The following MFGE8 variants were observed in gnomAD, a reference collection of about 807,000 sequenced individuals.
MFGE8 encodes the protein milk fat globule EGF and factor V/VIII domain containing, also known as lactadherin.
Under a neutral mutation model 42.6 loss-of-function variants are expected in MFGE8, and 34 were observed. The ratio of observed to expected loss-of-function variants is 0.80; its 90% CI spans 0.61 to 1.06. MFGE8 has a LOEUF of 1.06. MFGE8 is among the 50% of genes least tolerant of loss of function. The probability of loss-of-function intolerance (pLI) is 0.00; values close to 1 mark genes in which losing one functional copy is unlikely to be tolerated. For synonymous variants in MFGE8, 230 were observed against 214.8 expected (o/e 1.07, Z -0.62); for missense variants, 510 against 516.9 (o/e 0.99, Z 0.13).
At chr15:88,913,120 G>A (rs1432838068) in intron 1 of MFGE8, 127 bp downstream of exon 1, 4 of 1,357,102 alleles carry the variant, frequency 2.9e-6, no homozygotes, top group Non-Finnish European at 3.8e-6. Context: ...CCGCCCCTCT[G>A]CCCAGCCCGG....
At chr15:88,913,002 T>A in intron 1 of MFGE8, 1 of 985,450 alleles carries the variant, frequency 1.0e-6, no homozygotes, top group Non-Finnish European at 1.2e-6. Flanking sequence ...GCCGCATCCC[T>A]GGGGGCGGCA....
rs1898748706 is a variant in MFGE8 at position 88,907,519 on chromosome 15, A to G, written c.206-143T>C. On this transcript the variant is annotated intron_variant, in intron 2 of 7. Coordinates refer to ENST00000268150, the MANE Select transcript of MFGE8 (RefSeq NM_005928.4). The stretch of plus-strand genomic sequence containing the variant: ...AGAACCTCAGAGCCTCTCTCAGAAC[A>G]AAGACCACAAAGGGACAATGAAGGC... 3.9e-6 allele frequency: 3 copies of G among 778,272 alleles called. No homozygotes were observed. In the East Asian group the frequency reaches 8.0e-5, roughly 21 times the overall value. The allele number at this position is 778,272 out of a possible 1,614,324, so 48.2% of individuals were successfully genotyped here.
intron 1 of MFGE8, chr15:88,912,464 T>G (rs1008506023): frequency 3.0e-6 from 3 of 985,226 alleles, no homozygotes; most frequent in Admixed American, 6.2e-5. Flanking sequence ...GAGAAAATGA[T>G]GGAGGGGCCA....
intron 6 of MFGE8, 34 bp downstream of exon 6, chr15:88,901,517 A>ACCCAAAAAGCTGTCC: frequency 9.3e-7 from 1 of 1,072,616 alleles, no homozygotes; most frequent in Non-Finnish European, 1.4e-6. Flanking sequence ...ATCCCACCCA[A>ACCCAAAAAGCTGTCC]CCCCAGCCCC....
intron 6 of MFGE8, chr15:88,900,772 C>T (rs879691486): frequency 4.1e-5 from 40 of 984,992 alleles, no homozygotes; most frequent in African/African-American, 1.7e-5. Context: ...GTTTCAATGA[C>T]AGACAAGGGC....
chr15:88,907,212 C>T lies in MFGE8; in HGVS notation c.370G>A (p.Asp124Asn), dbSNP rs773168658. 8.1e-6 allele frequency: 13 copies of T among 1,613,626 alleles called. No homozygotes were observed. Among genetic ancestry groups the T allele is most frequent in the South Asian group, 1.1e-5 (1 of 91,012 alleles). Residue 124 changes from aspartate to asparagine, a missense_variant, in exon 3 of 8, where the codon GAT (aspartate) becomes AAT (asparagine). Coordinates refer to ENST00000268150, the MANE Select transcript of MFGE8 (RefSeq NM_005928.4). ...AGGCATACCTGGATCCAGGGGTTATCGTCATTGCTGCTGGGTGTCCAGGCA... is the reference window on the plus strand; with the variant it reads ...AGGCATACCTGGATCCAGGGGTTATTGTCATTGCTGCTGGGTGTCCAGGCA... ...VNAWTPSSND[D>N]NPWIQVNLLR...
At position 88,912,070 on chromosome 15, in the gene MFGE8, C is replaced by G. The variant is rs1445471784; in HGVS notation, c.73+1177G>C. 7.1e-6 allele frequency: 9 copies of G among 1,269,196 alleles called. No individual in the cohort carries two copies. The Admixed American group carries it at 1.6e-4, about 23-fold the overall frequency. 78.6% of individuals were successfully genotyped at this position (1,269,196 alleles called of 1,614,324 possible). ...CTCCCTACACTGCTCCAGGGCAAAA[C>G]GGTCCAGTGGGAAAAAGGGAAAGGG... On this transcript the variant is annotated intron_variant, in intron 1 of 7. Coordinates refer to ENST00000268150, the MANE Select transcript of MFGE8 (RefSeq NM_005928.4).
At chr15:88,909,763 A>T (rs375832902) in intron 2 of MFGE8, 29 bp downstream of exon 2, 9 of 1,613,362 alleles carry the variant, frequency 5.6e-6, no homozygotes, top group Non-Finnish European at 7.6e-6. Context: ...ACTGCTAGAA[A>T]CAGGCAACAA....
Position 88,899,611 on chromosome 15 carries a change from G to C in MFGE8, c.1026+45C>G. 6.2e-7 allele frequency: 1 copy of C among 1,614,192 alleles called. No homozygotes were observed. Among genetic ancestry groups the C allele is most frequent in the Non-Finnish European group, 8.5e-7 (1 of 1,180,026 alleles). On this transcript the variant is annotated intron_variant, in intron 7 of 7. Coordinates refer to ENST00000268150, the MANE Select transcript of MFGE8 (RefSeq NM_005928.4). This position sits in a 1 kb window ranked among gnomAD's most constrained non-coding sequence, Gnocchi z 6.8. The stretch of plus-strand genomic sequence containing the variant: ...AGCCCCAGGCCAGACTCCCAGGGAA[G>C]TAATGAAGGAATGGCAAAGGGTGGG...
Position 88,906,722 on chromosome 15 carries a change from G to A in MFGE8, c.444C>T (p.Arg148=), listed in dbSNP as rs976245158. Residue 148 remains arginine, a synonymous_variant, in exon 4 of 8, where the codon CGC becomes CGT. Coordinates refer to ENST00000268150, the MANE Select transcript of MFGE8 (RefSeq NM_005928.4). The surrounding 1 kb of genome is among the most constrained non-coding windows in gnomAD (Gnocchi z 4.2). ...CCTTCAGGTACTCATGACTGGCCAA[G>A]CGGCTGGCACCCTGCGTCACCACAC... is the stretch of plus-strand genomic sequence containing the variant. ...VTGVVTQGAS[R]LASHEYLKAF... is the part of the protein sequence containing the mutation. 29 of 1,613,690 alleles carry A rather than the reference G, an allele frequency of 1.8e-5. No individual in the cohort carries two copies. The highest frequency in any genetic ancestry group is 2.4e-5 in the Non-Finnish European group (28 of 1,179,950).
At chr15:88,904,432 C>T (rs1355154681) in intron 5 of MFGE8, 4 of 152,224 alleles carry the variant, frequency 2.6e-5, no homozygotes, top group Admixed American at 6.5e-5. Flanking sequence ...TGGTCCAGAC[C>T]CTGAAGGAAG....
intron 6 of MFGE8, 92 bp downstream of exon 6, chr15:88,901,459 A>G: frequency 7.6e-7 from 1 of 1,313,498 alleles, no homozygotes; most frequent in Non-Finnish European, 1.1e-6. Context: ...GGGGAGCAGA[A>G]GAGAAGCCTG....
At position 88,913,286 on chromosome 15, in the gene MFGE8, C is replaced by T. The variant is rs983065851; in HGVS notation, c.34G>A (p.Gly12Ser). ...PRPRLLAALC[G>S]ALLCAPSLLV... ...AGGCTGGGGGCGCAGAGCAGCGCGC[C>T]GCACAGCGCGGCCAGCAGGCGGGGG... is the stretch of plus-strand genomic sequence containing the variant. Residue 12 changes from glycine to serine, a missense_variant, in exon 1 of 8, where the codon GGC becomes AGC. Transcript: ENST00000268150. The T allele has an allele frequency of 1.0e-5, 15 of 1,482,700 alleles. No individual in the cohort carries two copies. The Middle Eastern group carries it at 6.9e-4, about 68-fold the overall frequency. The allele number at this position is 1,482,700 out of a possible 1,614,324, so 91.8% of individuals were successfully genotyped here.
intron 1 of MFGE8, 179 bp from the exon 2 acceptor site, chr15:88,910,102 T>C (rs1898890069): frequency 2.6e-6 from 2 of 762,130 alleles, no homozygotes; most frequent in East Asian, 5.7e-5. Flanking sequence ...GCCAAGGAAG[T>C]CCATGTGTAG....
intron 1 of MFGE8, chr15:88,910,226 G>A (rs1234826679): frequency 2.6e-6 from 1 of 379,708 alleles, no homozygotes; most frequent in Non-Finnish European, 5.1e-6. Context: ...ACTGGTGGAA[G>A]AGCTGGCAGC....
At chr15:88,910,770 G>A (rs1413762141) in intron 1 of MFGE8, 1 of 152,564 alleles carries the variant, frequency 6.6e-6, no homozygotes, top group Non-Finnish European at 1.5e-5. Context: ...ACAGTTAGAT[G>A]CAGCTGGAAG....
rs1477965909 is a variant in MFGE8, at chr15:88,899,230, G to A, written c.*165C>T. ...GGGGCTGGGGCAGGGCCCGTGAGAG[G>A]TGGAGGGTGGGAAAGAGGGAGGGAG... On this transcript the variant is annotated 3_prime_UTR_variant, in exon 8 of 8. Transcript: ENST00000268150. This position sits in a 1 kb window ranked among gnomAD's most constrained non-coding sequence, Gnocchi z 6.8. 2.2e-6 allele frequency: 2 copies of A among 922,984 alleles called. No individual in the cohort carries two copies. Among genetic ancestry groups the A allele is most frequent in the African/African-American group, 1.6e-5 (1 of 61,030 alleles). The allele number at this position is 922,984 out of a possible 1,614,324, so 57.2% of individuals were successfully genotyped here. A position where few individuals can be genotyped will look rare whatever the true frequency, so the allele number is the denominator to read the frequency against.
chr15:88,900,191 G>A (rs1391834738), intron 6 of MFGE8, among the ~76,000 whole-genome samples: 3 of 150,742 alleles, frequency 2.0e-5, no homozygotes, highest in East Asian at 2.0e-4. Flanking sequence ...GCGGTGAGCC[G>A]AGATGGCGCC....
Position 88,899,616 on chromosome 15 carries a change from G to C in MFGE8, c.1026+40C>G. The C allele has an allele frequency of 6.2e-7, 1 of 1,614,172 alleles. No homozygotes were observed. On this transcript the variant is annotated intron_variant, in intron 7 of 7. Transcript: ENST00000268150. The surrounding 1 kb of genome is among the most constrained non-coding windows in gnomAD (Gnocchi z 6.8). ...CAGGCCAGACTCCCAGGGAAGTAAT[G>C]AAGGAATGGCAAAGGGTGGGCAGCT...
Sources: allele counts gnomAD v4.1 joint callset (sites outside exome capture counted in the v4.1 genomes callset), GRCh38; gene constraint gnomAD v4.1.1; non-coding constraint Gnocchi (gnomAD v3.1); transcripts MANE v1.5; gene names NCBI Gene and HGNC (gene_info 2026-07-23, HGNC 2026-07-21).